The following LRRC37A2 variants were observed in gnomAD, a reference collection of about 807,000 sequenced individuals.
LRRC37A2 encodes the protein leucine-rich repeat-containing protein 37A2.
In LRRC37A2, 9 loss-of-function variants were observed where a neutral mutation model predicts 68.8. That is an observed-to-expected ratio of 0.13 (90% CI 0.08 to 0.23). The LOEUF (loss-of-function observed/expected upper bound fraction) is 0.23, where lower values mean the gene tolerates loss of function less well. Ranked by LOEUF, LRRC37A2 falls within the 10% of genes least tolerant of loss-of-function variation. The pLI, the probability that LRRC37A2 is intolerant of heterozygous loss-of-function variation, is 1.00. For synonymous variants in LRRC37A2, 63 were observed against 367.6 expected (o/e 0.17, Z 9.48); for missense variants, 168 against 950.4 (o/e 0.18, Z 10.82).
the LRRC37A2 span, among the ~76,000 whole-genome samples, chr17:46,826,368 C>G: frequency 2.6e-5 from 4 of 152,264 alleles, no homozygotes; most frequent in African/African-American, 9.6e-5. Flanking sequence ...AGGGCCTAGG[C>G]ACAGCTGGCA....
the LRRC37A2 span, among the ~76,000 whole-genome samples, chr17:46,458,519 A>ATTC: frequency 2.3e-4 from 18 of 77,060 alleles, no homozygotes; most frequent in South Asian, 5.7e-4. Context: ...TCCTATGGGA[A>ATTC]TTCTTCTTCT....
At chr17:46,795,920 A>G in the LRRC37A2 span, among the ~76,000 whole-genome samples, 2 of 152,182 alleles carry the variant, frequency 1.3e-5, no homozygotes, top group Non-Finnish European at 2.9e-5. Context: ...ACACGTGTGC[A>G]CACATGTTAA....
chr17:46,817,339 C>T, the LRRC37A2 span, among the ~76,000 whole-genome samples: 1 of 152,224 alleles, frequency 6.6e-6, no homozygotes, highest in African/African-American at 2.4e-5. Flanking sequence ...GCCCACTTCT[C>T]ACTCACAGAT....
the LRRC37A2 span, among the ~76,000 whole-genome samples, chr17:47,028,563 T>C: frequency 6.6e-6 from 1 of 152,324 alleles, no homozygotes; most frequent in South Asian, 2.1e-4. Context: ...CTGCTTGTCC[T>C]AGTTCTGACC....
the LRRC37A2 span, among the ~76,000 whole-genome samples, chr17:46,684,430 G>A: frequency 6.6e-6 from 1 of 151,942 alleles, no homozygotes; most frequent in East Asian, 1.9e-4. Flanking sequence ...ATAAACATGT[G>A]TGCATGTGTC....
chr17:46,967,179 A>G, the LRRC37A2 span, among the ~76,000 whole-genome samples: 1 of 152,252 alleles, frequency 6.6e-6, no homozygotes, highest in Non-Finnish European at 1.5e-5. Context: ...GGCATGTGCC[A>G]TGCACTGTGG....
At chr17:46,737,572 CGT>C in the LRRC37A2 span, among the ~76,000 whole-genome samples, 28,832 of 147,012 alleles carry the variant, frequency 0.2, 4,258 homozygotes, top group East Asian at 0.57. Context: ...GGTGTGTGTG[CGT>C]GTGTGTGTGT....
At chr17:46,784,777 CTTTTTTT>C in the LRRC37A2 span, among the ~76,000 whole-genome samples, 2 of 129,296 alleles carry the variant, frequency 1.5e-5, no homozygotes, top group Non-Finnish European at 3.2e-5. Flanking sequence ...TTTTGCTTTT[CTTTTTTT>C]TTTTTTTTTG....
intron 11 of LRRC37A2, chr17:46,552,773 A>G (rs2056912327): frequency 9.1e-6 from 1 of 109,516 alleles, no homozygotes; most frequent in South Asian, 3.3e-4. Flanking sequence ...TACAATATGT[A>G]TACATTTTAT....
the LRRC37A2 span, among the ~76,000 whole-genome samples, chr17:46,973,333 C>CT: frequency 6.6e-6 from 1 of 151,690 alleles, no homozygotes; most frequent in South Asian, 2.1e-4. Flanking sequence ...TTTCTTTTTT[C>CT]TTTTTTGCCA....
the LRRC37A2 span, among the ~76,000 whole-genome samples, chr17:46,858,815 C>T: frequency 1.3e-5 from 2 of 152,074 alleles, no homozygotes; most frequent in East Asian, 1.9e-4. Flanking sequence ...CACAGGCATG[C>T]GCCATCACGC....
the LRRC37A2 span, among the ~76,000 whole-genome samples, chr17:46,795,002 C>G: frequency 6.6e-6 from 1 of 152,022 alleles, no homozygotes; most frequent in African/African-American, 2.4e-5. Flanking sequence ...CTGCCCGCCT[C>G]GGCCTCCCAA....
the LRRC37A2 span, among the ~76,000 whole-genome samples, chr17:46,791,007 TCCTGGTTTCCCCTTAG>T: frequency 1.3e-5 from 2 of 152,206 alleles, no homozygotes; most frequent in East Asian, 3.8e-4. Flanking sequence ...TTTCCCTTCT[TCCTGGTTTCCCCTTAG>T]CTTTCTTAGC....
At chr17:46,575,708 G>A in the LRRC37A2 span, among the ~76,000 whole-genome samples, 4 of 58,080 alleles carry the variant, frequency 6.9e-5, no homozygotes, top group Admixed American at 1.8e-4. Flanking sequence ...GGCCAGGCGC[G>A]GAGGCTCATG....
chr17:46,940,594 G>C, the LRRC37A2 span: 2 of 1,614,200 alleles, frequency 1.2e-6, no homozygotes, highest in Middle Eastern at 1.6e-4. Flanking sequence ...TTTGGAGGAA[G>C]GTCTGCAGGG....
chr17:46,988,651 A>G, the LRRC37A2 span, among the ~76,000 whole-genome samples: 1 of 152,084 alleles, frequency 6.6e-6, no homozygotes, highest in Non-Finnish European at 1.5e-5. Context: ...GCCAAGGTGG[A>G]GTTGAGGGGC....
chr17:46,851,607 G>T, the LRRC37A2 span: 1 of 1,211,106 alleles, frequency 8.3e-7, no homozygotes, highest in Non-Finnish European at 1.0e-6. The surrounding 1 kb of genome is among the most constrained non-coding windows in gnomAD (Gnocchi z 4.3). Flanking sequence ...GCGGCGCGAG[G>T]AGATGCTAGA....
the LRRC37A2 span, chr17:46,726,409 C>A: frequency 1.3e-6 from 1 of 774,636 alleles, no homozygotes; most frequent in Non-Finnish European, 2.2e-6. Context: ...TCCAGTGTGT[C>A]AATTCTAATT....
At chr17:46,875,218 T>A in the LRRC37A2 span, 1 of 1,614,158 alleles carries the variant, frequency 6.2e-7, no homozygotes, top group Non-Finnish European at 8.5e-7. Flanking sequence ...TCTCCGGGGC[T>A]GGAGAGCCGG....
Sources: gnomAD v4.1 joint callset for allele counts (sites outside exome capture counted in the v4.1 genomes callset) on GRCh38, gnomAD v4.1.1 for gene constraint, Gnocchi (gnomAD v3.1) non-coding constraint, MANE v1.5 for transcripts, NCBI Gene and HGNC (gene_info 2026-07-23, HGNC 2026-07-21) for gene names.